Variants in ST6GAL2 observed in about 807,000 individuals in gnomAD.
ST6GAL2 encodes beta-galactoside alpha-2,6-sialyltransferase 2.
A neutral mutation model predicts 37.5 loss-of-function variants in ST6GAL2; 24 were observed. The observed-to-expected ratio is 0.64, with a 90% CI of 0.46 to 0.90. The LOEUF (loss-of-function observed/expected upper bound fraction) is 0.90. Ranked by LOEUF, ST6GAL2 falls within the 40% of genes least tolerant of loss-of-function variation. The probability of loss-of-function intolerance (pLI) is 0.00; values close to 1 mark genes in which losing one functional copy is unlikely to be tolerated. For synonymous variants in ST6GAL2, 306 were observed against 295.1 expected (o/e 1.04, Z -0.38); for missense variants, 715 against 712.7 (o/e 1.00, Z -0.04).
intron 5 of ST6GAL2, among the ~76,000 whole-genome samples, chr2:106,812,135 G>A (rs868294364): frequency 3.9e-5 from 6 of 152,154 alleles, no homozygotes; most frequent in South Asian, 2.1e-4. Flanking sequence ...TGGGATTAGC[G>A]CCTTTGTAAG....
intron 5 of ST6GAL2, among the ~76,000 whole-genome samples, chr2:106,817,405 A>G (rs1342190549): frequency 6.6e-6 from 1 of 152,208 alleles, no homozygotes; most frequent in Non-Finnish European, 1.5e-5. Flanking sequence ...AGGGCACCAG[A>G]TAGAGTCCTG....
At chr2:106,859,185 C>T (rs1301867285) in intron 1 of ST6GAL2, among the ~76,000 whole-genome samples, 4 of 152,058 alleles carry the variant, frequency 2.6e-5, no homozygotes, top group Non-Finnish European at 5.9e-5. Context: ...TATTTAATCA[C>T]CTAAAAGGGT....
chr2:106,813,958 T>A (rs930737074), intron 5 of ST6GAL2, among the ~76,000 whole-genome samples: 1 of 152,140 alleles, frequency 6.6e-6, no homozygotes, highest in African/African-American at 2.4e-5. Flanking sequence ...AATTCAATCA[T>A]AAAATGGAAA....
At chr2:106,835,887 T>A (rs1421695707) in intron 2 of ST6GAL2, among the ~76,000 whole-genome samples, 1 of 152,250 alleles carries the variant, frequency 6.6e-6, no homozygotes, top group African/African-American at 2.4e-5. Context: ...GATTTGTTCA[T>A]ACTTTATTGA....
chr2:106,832,816 G>T (rs761495371), intron 3 of ST6GAL2, 150 bp from the exon 4 acceptor site: 2 of 670,510 alleles, frequency 3.0e-6, no homozygotes, highest in Non-Finnish European at 5.4e-6. Flanking sequence ...AGAGGCAGGC[G>T]TTGCATGCAG....
Position 106,869,420 on chromosome 2 carries a change from G to A in ST6GAL2, c.-58+16673C>T, listed in dbSNP as rs146378543. On this transcript the variant is annotated intron_variant, in intron 1 of 5. Transcript: ENST00000409382. Reference sequence around the variant, plus strand: ...TTGTTTCATCCTTTCATCTTCTCCCGCAGGAACTTCAAAATATCGACCGCC... The same window carrying A: ...TTGTTTCATCCTTTCATCTTCTCCCACAGGAACTTCAAAATATCGACCGCC... 9.4e-3 allele frequency among the ~76,000 whole-genome samples: 1,423 copies of A among 152,162 alleles called. 7 individuals are homozygous for A. Among genetic ancestry groups the A allele is most frequent in the Non-Finnish European group, 0.011 (744 of 68,000 alleles).
intron 1 of ST6GAL2, among the ~76,000 whole-genome samples, chr2:106,852,183 AG>A (rs1452224786): frequency 1.3e-5 from 2 of 152,226 alleles, no homozygotes; most frequent in Admixed American, 6.5e-5. Flanking sequence ...AGAAAGAAAA[AG>A]GTCGGCCAGG....
chr2:106,886,314 G>T (rs1678991621), upstream of ST6GAL2: 2 of 152,332 alleles, frequency 1.3e-5, no homozygotes, highest in South Asian at 4.1e-4. Context: ...GGGGGCTGCA[G>T]AAGGCGAGTG....
At chr2:106,807,960 T>G (rs939680887) in intron 5 of ST6GAL2, among the ~76,000 whole-genome samples, 6 of 152,306 alleles carry the variant, frequency 3.9e-5, no homozygotes, top group South Asian at 2.1e-4. Flanking sequence ...CTAATGGCTT[T>G]CTTTCTTTTC....
intron 1 of ST6GAL2, among the ~76,000 whole-genome samples, chr2:106,861,244 T>C (rs757102658): frequency 2.0e-5 from 3 of 152,228 alleles, no homozygotes; most frequent in Non-Finnish European, 4.4e-5. Context: ...TTAATATCCA[T>C]ATTAAACAAG....
intron 2 of ST6GAL2, among the ~76,000 whole-genome samples, chr2:106,836,135 C>A (rs1007103729): frequency 2.0e-5 from 3 of 151,984 alleles, no homozygotes; most frequent in Admixed American, 6.6e-5. Context: ...ATTTAAAAAA[C>A]CTCTATATTT....
At chr2:106,844,697 C>T (rs1214862609) in intron 1 of ST6GAL2, among the ~76,000 whole-genome samples, 1 of 152,124 alleles carries the variant, frequency 6.6e-6, no homozygotes, top group Non-Finnish European at 1.5e-5. Context: ...CCAAGACTAC[C>T]CTCCTACTTC....
intron 1 of ST6GAL2, among the ~76,000 whole-genome samples, chr2:106,882,451 C>G (rs562554070): frequency 6.6e-6 from 1 of 152,306 alleles, no homozygotes. Context: ...CTTTGATAAT[C>G]TGTGCAAAGC....
intron 3 of ST6GAL2, among the ~76,000 whole-genome samples, chr2:106,833,620 A>AT (rs1316410245): frequency 1.3e-5 from 2 of 152,094 alleles, no homozygotes; most frequent in Non-Finnish European, 1.5e-5. Context: ...ATTCCTTTCC[A>AT]TTTTTTCAAA....
At chr2:106,842,985 G>A in intron 2 of ST6GAL2, 50 bp downstream of exon 2, 1 of 1,292,728 alleles carries the variant, frequency 7.7e-7, no homozygotes, top group Non-Finnish European at 9.9e-7. Flanking sequence ...CGGCCCCCAG[G>A]GACACACTGG....
In ST6GAL2 at chr2:106,804,268, T is replaced by C. The variant is rs139290573; in HGVS notation, c.*2410A>G. On this transcript the variant is annotated 3_prime_UTR_variant, in exon 6 of 6. Transcript: ENST00000409382. ...TGTTGGGTTCTGAGGCTTTTGAACT[T>C]GAATATTTACACTGACCCCAATAAA... The C allele has an allele frequency of 5.3e-5, 8 of 152,206 alleles. No homozygotes were observed. The highest frequency in any genetic ancestry group is 1.7e-4 in the African/African-American group (7 of 41,590). 9.4% of individuals were successfully genotyped at this position (152,206 alleles called of 1,614,324 possible). A position where few individuals can be genotyped will look rare whatever the true frequency, so the allele number is the denominator to read the frequency against.
rs1675355567 is a variant in ST6GAL2 at position 106,804,575 on chromosome 2, C to G, written c.*2103G>C. 6.6e-6 allele frequency: 1 copy of G among 152,192 alleles called. No individual in the cohort carries two copies. The highest frequency in any genetic ancestry group is 1.5e-5 in the Non-Finnish European group (1 of 68,076). The allele number at this position is 152,192 out of a possible 1,614,324, so 9.4% of individuals were successfully genotyped here. A position where few individuals can be genotyped will look rare whatever the true frequency, so the allele number is the denominator to read the frequency against. The stretch of plus-strand genomic sequence containing the variant: ...AAGGAATGACCGGGCGCGGTGGTGG[C>G]TCACGCCTATAATCCCATCACTTTG... On this transcript the variant is annotated 3_prime_UTR_variant, in exon 6 of 6. Transcript: ENST00000409382.
chr2:106,846,294 A>C (rs1376549549), intron 1 of ST6GAL2, among the ~76,000 whole-genome samples: 2 of 152,166 alleles, frequency 1.3e-5, no homozygotes, highest in Admixed American at 6.5e-5. Flanking sequence ...GATGTGTATA[A>C]ATACATTTAT....
intron 1 of ST6GAL2, among the ~76,000 whole-genome samples, chr2:106,881,346 C>A (rs988534552): frequency 4.6e-5 from 7 of 152,246 alleles, no homozygotes; most frequent in East Asian, 3.9e-4. Context: ...ATAGCAAGAT[C>A]CCTCTTCTAA....
Sources: gnomAD v4.1 joint callset for allele counts (sites outside exome capture counted in the v4.1 genomes callset) on GRCh38, gnomAD v4.1.1 for gene constraint, MANE v1.5 for transcripts, NCBI Gene and HGNC (gene_info 2026-07-23, HGNC 2026-07-21) for gene names.